GYG2: variants seen among roughly 807,000 people sequenced by gnomAD.
GYG2 encodes the protein glycogenin-2.
GYG2 carries 29 observed loss-of-function variants against 29.4 expected under a neutral mutation model. The ratio of observed to expected loss-of-function variants is 0.99; its 90% CI spans 0.74 to 1.35. GYG2 has a LOEUF of 1.35. Among genes scored for constraint, GYG2 ranks in the 40% most tolerant of loss-of-function variants. The pLI is 0.00. For missense variants in GYG2, 370 were observed against 385.7 expected (o/e 0.96, Z 0.34); for synonymous variants, 167 against 172.3 (o/e 0.97, Z 0.24).
At chrX:2,835,596 C>T (rs1294928251) in intron 2 of GYG2, among the ~76,000 whole-genome samples, 1 of 111,349 alleles carries the variant, frequency 9.0e-6, no homozygotes, top group Non-Finnish European at 1.9e-5. Flanking sequence ...AGAAGAGACA[C>T]AGACACAGAG....
chrX:2,844,536 ATG>A lies in GYG2; in HGVS notation c.149+1186_149+1187del, dbSNP rs1276043903. Among the ~76,000 whole-genome samples the A allele has an allele frequency of 1.7e-4, 13 of 78,460 alleles. 2 individuals carry two copies. Among genetic ancestry groups the A allele is most frequent in the Admixed American group, 4.1e-4 (3 of 7,259 alleles). The allele number at this position is 78,460 out of a possible 115,157, so 68.1% of individuals were successfully genotyped here. A position where few individuals can be genotyped will look rare whatever the true frequency, so the allele number is the denominator to read the frequency against. On this transcript the variant is annotated intron_variant, in intron 3 of 10. Transcript: ENST00000398806. ...TGTATACGCACACGCATGCGTATAT[ATG>A]TGTATACGCACACGCATGCGTATAT...
intron 6 of GYG2, among the ~76,000 whole-genome samples, chrX:2,857,703 C>T (rs2088053448): frequency 9.0e-6 from 1 of 110,971 alleles, no homozygotes. Flanking sequence ...GAAACACACA[C>T]ACACATCTCG....
intron 5 of GYG2, among the ~76,000 whole-genome samples, chrX:2,855,581 A>G (rs183095336): frequency 2.7e-5 from 3 of 112,172 alleles, no homozygotes; most frequent in South Asian, 3.7e-4. Context: ...TATGTGTTGC[A>G]TGACTGTACT....
rs1324792082 is a variant in GYG2 at position 2,856,734 on chromosome X, TATC to T, written c.614+114_614+116del. 3.2e-3 allele frequency: 1,547 copies of T among 486,207 alleles called. 1 individual carries two copies. The highest frequency in any genetic ancestry group is 4.3e-3 in the Non-Finnish European group (1,306 of 304,448). The allele number at this position is 486,207 out of a possible 1,213,427, so 40.1% of individuals were successfully genotyped here. On this transcript the variant is annotated intron_variant, in intron 6 of 10. Coordinates refer to ENST00000398806, the MANE Select transcript of GYG2 (RefSeq NM_001079855.2). Reference sequence around the variant, plus strand: ...TATTTAAAAACTCTATCTATCTATCTATCATCTATCTATCTATGTATCTATCTA... The same window carrying T: ...TATTTAAAAACTCTATCTATCTATCTATCTATCTATCTATGTATCTATCTA...
At chrX:2,876,003 G>A in intron 9 of GYG2, 89 bp downstream of exon 9, 1 of 439,081 alleles carries the variant, frequency 2.3e-6, no homozygotes, top group Non-Finnish European at 3.7e-6. Context: ...CATACCAGTG[G>A]GGGCGCCATA....
At chrX:2,842,019 T>C (rs4892897) in intron 2 of GYG2, among the ~76,000 whole-genome samples, 36,619 of 110,518 alleles carry the variant, frequency 0.33, 4,443 homozygotes, top group East Asian at 0.42. Flanking sequence ...CATTAGGAAA[T>C]TGAATCCATT....
chrX:2,839,653 G>C (rs1338063996), intron 2 of GYG2, among the ~76,000 whole-genome samples: 1 of 110,902 alleles, frequency 9.0e-6, no homozygotes, highest in Non-Finnish European at 1.9e-5. Flanking sequence ...ATGAGTGCAG[G>C]GTCTCTTTTT....
At chrX:2,847,533 C>CAAAAAA (rs34368863) in intron 3 of GYG2, among the ~76,000 whole-genome samples, 2 of 56,247 alleles carry the variant, frequency 3.6e-5, no homozygotes, top group Non-Finnish European at 6.4e-5. Context: ...ACTAAAAGTA[C>CAAAAAA]AAAAAAAAAA....
Position 2,857,580 on chromosome X carries a change from C to T in GYG2, c.614+956C>T, listed in dbSNP as rs751206554. ...TCTATATAGATCTATGTATCTAGAT[C>T]TAGATCTCTATATAGGCATCTATCC... On this transcript the variant is annotated intron_variant, in intron 6 of 10. Transcript: ENST00000398806. Among the ~76,000 whole-genome samples the T allele has an allele frequency of 1.2e-3, 135 of 110,614 alleles. 1 individual carries two copies. The highest frequency in any genetic ancestry group is 4.3e-3 in the African/African-American group (130 of 30,530).
chrX:2,839,544 C>T (rs2087449737), intron 2 of GYG2, among the ~76,000 whole-genome samples: 1 of 111,231 alleles, frequency 9.0e-6, no homozygotes, highest in African/African-American at 3.3e-5. Flanking sequence ...TGCTTAATTC[C>T]ATTTACATGA....
rs755998581 is a variant in GYG2, at chrX:2,877,327, C to G, written c.1251+20C>G. 8.3e-7 allele frequency: 1 copy of G among 1,204,135 alleles called. No individual in the cohort carries two copies. The highest frequency in any genetic ancestry group is 3.0e-5 in the East Asian group (1 of 33,624). ...CTGGAGGTGGTATCCAAATTCTTCC[C>G]CTTGCCCAAGGCTCCCGGTGGGGGC... On this transcript the variant is annotated intron_variant, in intron 10 of 10. Coordinates refer to ENST00000398806, the MANE Select transcript of GYG2 (RefSeq NM_001079855.2).
Position 2,866,837 on chromosome X carries a change from TAA to T in GYG2, c.1038+5122_1038+5123del, listed in dbSNP as rs1202207153. On this transcript the variant is annotated intron_variant, in intron 8 of 10. Coordinates refer to ENST00000398806, the MANE Select transcript of GYG2 (RefSeq NM_001079855.2). ...TTTTAAAAAGTAAATTTTTTTTTTT[TAA>T]AAAAAAGTATGTTCAACAGCCAGCA... Among the ~76,000 whole-genome samples, 191 of 31,912 alleles carry T rather than the reference TAA, an allele frequency of 6.0e-3. 1 individual carries two copies. Among genetic ancestry groups the T allele is most frequent in the Non-Finnish European group, 0.016 (146 of 9,401 alleles). 27.7% of individuals were successfully genotyped at this position (31,912 alleles called of 115,157 possible). A position where few individuals can be genotyped will look rare whatever the true frequency, so the allele number is the denominator to read the frequency against.
Position 2,877,218 on chromosome X carries a change from G to A in GYG2, c.1162G>A (p.Glu388Lys), listed in dbSNP as rs776259532. Residue 388 changes from glutamate (E) to lysine (K), a missense_variant, in exon 10 of 11, where the codon GAA becomes AAA. Glu to Lys is a moderately conservative substitution (Grantham distance 56, BLOSUM62 1). Coordinates refer to ENST00000398806, the MANE Select transcript of GYG2 (RefSeq NM_001079855.2). ...ETILQPANKV[E>K]SVSSEETFEP... ...GTTTTAGCAGCCAGCAAATAAAGTC[G>A]AAAGTGTCTCATCCGAGGAAACCTT... The A allele has an allele frequency of 4.5e-5, 54 of 1,208,066 alleles. No homozygotes were observed. Among genetic ancestry groups the A allele is most frequent in the South Asian group, 7.0e-5 (4 of 56,753 alleles).
At chrX:2,842,073 G>A (rs180801394) in intron 2 of GYG2, among the ~76,000 whole-genome samples, 1 of 112,229 alleles carries the variant, frequency 8.9e-6, no homozygotes, top group Non-Finnish European at 1.9e-5. Flanking sequence ...TGTCTCTACC[G>A]CCTCATACAT....
intron 6 of GYG2, among the ~76,000 whole-genome samples, chrX:2,857,005 A>G (rs1022492543): frequency 3.8e-5 from 4 of 103,966 alleles, no homozygotes; most frequent in Admixed American, 1.1e-4. Context: ...CTATCTATCT[A>G]TCTATCCATA....
rs768856920 is a variant in GYG2 at position 2,841,052 on chromosome X, C to T, written c.8-2161C>T. Among the ~76,000 whole-genome samples, 10 of 105,255 alleles carry T rather than the reference C, an allele frequency of 9.5e-5. No individual in the cohort carries two copies. The South Asian group carries it at 3.0e-3, about 31-fold the overall frequency. The allele number at this position is 105,255 out of a possible 115,157, so 91.4% of individuals were successfully genotyped here. Reference sequence around the variant, plus strand: ...GGATAGATAGATGATAAAGATAGATCGATTATAGTAAGATAGATAATAGAT... The same window carrying T: ...GGATAGATAGATGATAAAGATAGATTGATTATAGTAAGATAGATAATAGAT... On this transcript the variant is annotated intron_variant, in intron 2 of 10. Transcript: ENST00000398806.
At chrX:2,868,327 G>A (rs1000168994) in intron 8 of GYG2, among the ~76,000 whole-genome samples, 1 of 107,952 alleles carries the variant, frequency 9.3e-6, no homozygotes, top group Admixed American at 1.0e-4. Flanking sequence ...GGCCAACACG[G>A]TGAAACCCTG....
chrX:2,855,659 G>T (rs1283340727), intron 5 of GYG2, among the ~76,000 whole-genome samples: 1 of 112,196 alleles, frequency 8.9e-6, no homozygotes. Context: ...AGGCCAGGGC[G>T]GACAGATTGC....
At chrX:2,855,246 C>T in intron 5 of GYG2, 91 bp downstream of exon 5, 1 of 790,056 alleles carries the variant, frequency 1.3e-6, no homozygotes, top group African/African-American at 2.0e-5. Flanking sequence ...ACCATACAGT[C>T]ACACCTCGCT....
Sources: allele counts gnomAD v4.1 joint callset (sites outside exome capture counted in the v4.1 genomes callset), GRCh38; gene constraint gnomAD v4.1.1; transcripts MANE v1.5; gene names NCBI Gene and HGNC (gene_info 2026-07-23, HGNC 2026-07-21).